The following DENND5B variants were observed in gnomAD, a reference collection of about 807,000 sequenced individuals.
DENND5B encodes the protein DENN domain containing 5B.
Under a neutral mutation model 140.6 loss-of-function variants are expected in DENND5B, and 34 were observed. That is an observed-to-expected ratio of 0.24 (90% CI 0.18 to 0.32). DENND5B has a LOEUF of 0.32. Ranked by LOEUF, DENND5B falls within the 10% of genes least tolerant of loss-of-function variation. The pLI is 1.00. For synonymous variants in DENND5B, 551 were observed against 562.1 expected, an observed-to-expected ratio of 0.98 and a Z score of 0.28; for missense variants, 1,142 against 1,560.2, an observed-to-expected ratio of 0.73 and a Z score of 4.52.
At chr12:31,462,025 T>C (rs1287933148) in intron 3 of DENND5B, among the ~76,000 whole-genome samples, 1 of 152,158 alleles carries the variant, frequency 6.6e-6, no homozygotes, top group Non-Finnish European at 1.5e-5. Context: ...ACAGCCCAAG[T>C]TTACTTAAAA....
chr12:31,415,550 A>AAT (rs1035891126), intron 11 of DENND5B, 102 bp from the exon 12 acceptor site: 1 of 910,828 alleles, frequency 1.1e-6, no homozygotes, highest in African/African-American at 1.7e-5. Context: ...AAATTTTAAC[A>AAT]ATATATATCA....
chr12:31,548,899 T>C (rs1948947035), intron 1 of DENND5B, among the ~76,000 whole-genome samples: 1 of 151,506 alleles, frequency 6.6e-6, no homozygotes, highest in Non-Finnish European at 1.5e-5. Flanking sequence ...AAGCCAAGGG[T>C]TTTTTTTCCT....
intron 7 of DENND5B, among the ~76,000 whole-genome samples, chr12:31,438,107 CT>C (rs1943859936): frequency 6.6e-6 from 1 of 152,148 alleles, no homozygotes; most frequent in Admixed American, 6.5e-5. Context: ...TCCCGAGTAT[CT>C]GGAATTACAG....
chr12:31,560,648 A>G (rs1592053319), intron 1 of DENND5B, among the ~76,000 whole-genome samples: 1 of 152,138 alleles, frequency 6.6e-6, no homozygotes. Flanking sequence ...GGCTCCCCCC[A>G]TTCTCTTAGA....
intron 1 of DENND5B, among the ~76,000 whole-genome samples, chr12:31,584,691 G>A (rs1950333993): frequency 6.6e-6 from 1 of 151,978 alleles, no homozygotes; most frequent in Non-Finnish European, 1.5e-5. Flanking sequence ...GCCAGGCATG[G>A]TGGCACATGC....
intron 14 of DENND5B, among the ~76,000 whole-genome samples, chr12:31,403,395 T>C (rs1049983483): frequency 6.6e-6 from 1 of 151,692 alleles, no homozygotes; most frequent in Non-Finnish European, 1.5e-5. Context: ...TTTTTCTTTT[T>C]TTTTTTTGCC....
Position 31,468,767 on chromosome 12 carries a change from G to A in DENND5B, c.905-8386C>T, listed in dbSNP as rs377355319. On this transcript the variant is annotated intron_variant, in intron 3 of 20. Coordinates refer to ENST00000389082, the MANE Select transcript of DENND5B (RefSeq NM_144973.4). ...GTCAAGACTGCAGTGAGCCTAGATCGTGCTACTGCACTCCAGGATGAGCGA... is the reference window on the plus strand; with the variant it reads ...GTCAAGACTGCAGTGAGCCTAGATCATGCTACTGCACTCCAGGATGAGCGA... Among the ~76,000 whole-genome samples the A allele has an allele frequency of 5.7e-4, 87 of 152,052 alleles. 1 individual carries two copies. Among genetic ancestry groups the A allele is most frequent in the African/African-American group, 1.9e-3 (80 of 41,390 alleles).
At chr12:31,550,024 G>A (rs1025930376) in intron 1 of DENND5B, among the ~76,000 whole-genome samples, 5 of 151,884 alleles carry the variant, frequency 3.3e-5, no homozygotes, top group Admixed American at 3.3e-4. Flanking sequence ...CTAGATCTCT[G>A]AGGAATCATA....
intron 7 of DENND5B, among the ~76,000 whole-genome samples, chr12:31,437,814 T>C (rs907199592): frequency 3.9e-5 from 6 of 152,110 alleles, no homozygotes; most frequent in Admixed American, 6.6e-5. Context: ...ATAAAAAAGG[T>C]ATAACATTCT....
chr12:31,537,066 A>G (rs1450136864), intron 1 of DENND5B, among the ~76,000 whole-genome samples: 1 of 152,236 alleles, frequency 6.6e-6, no homozygotes, highest in African/African-American at 2.4e-5. Context: ...CTAGCCTAGA[A>G]GAAATGCTAA....
At chr12:31,450,997 T>TA (rs1359261793) in intron 5 of DENND5B, among the ~76,000 whole-genome samples, 1 of 152,172 alleles carries the variant, frequency 6.6e-6, no homozygotes, top group African/African-American at 2.4e-5. Flanking sequence ...TGACTTCTCT[T>TA]TCCAAAATCT....
chr12:31,577,439 G>A (rs886875935), intron 1 of DENND5B, among the ~76,000 whole-genome samples: 3 of 152,044 alleles, frequency 2.0e-5, no homozygotes, highest in African/African-American at 4.8e-5. Context: ...GGCCGGGCAC[G>A]GTGGCTCACG....
chr12:31,467,259 A>T (rs969776577), intron 3 of DENND5B, among the ~76,000 whole-genome samples: 1 of 152,160 alleles, frequency 6.6e-6, no homozygotes, highest in African/African-American at 2.4e-5. Context: ...AACTTCTAAG[A>T]ACACATGTTA....
chr12:31,440,635 T>C (rs534552176), intron 7 of DENND5B, among the ~76,000 whole-genome samples: 17 of 152,210 alleles, frequency 1.1e-4, no homozygotes, highest in Non-Finnish European at 2.5e-4. Context: ...AGACAGCCTT[T>C]TAAATGAAAG....
At chr12:31,552,351 T>C (rs1470934604) in intron 1 of DENND5B, among the ~76,000 whole-genome samples, 1 of 152,230 alleles carries the variant, frequency 6.6e-6, no homozygotes, top group Non-Finnish European at 1.5e-5. Flanking sequence ...GTTCTGTTTA[T>C]GTTGGATTAC....
chr12:31,424,474 G>T, intron 10 of DENND5B, 61 bp downstream of exon 10: 2 of 1,488,422 alleles, frequency 1.3e-6, no homozygotes, highest in Non-Finnish European at 1.8e-6. Flanking sequence ...TTGTCTCCTT[G>T]TTACATTTCT....
At chr12:31,541,090 C>T (rs1199133665) in intron 1 of DENND5B, 1 of 435,516 alleles carries the variant, frequency 2.3e-6, no homozygotes, top group Non-Finnish European at 4.5e-6. Flanking sequence ...TTTAAGACCT[C>T]AAACTATGAA....
At chr12:31,497,701 G>T (rs1252002985) in intron 1 of DENND5B, among the ~76,000 whole-genome samples, 1 of 143,368 alleles carries the variant, frequency 7.0e-6, no homozygotes, top group African/African-American at 2.6e-5. Context: ...GGAGGCTGAG[G>T]TGGGCAGATC....
chr12:31,587,526 CTTTTTTTTTTTTTTTTTTTTT>C lies in DENND5B; in HGVS notation c.127+3159_127+3179del, dbSNP rs71460995. ...CAACAACTTCTCTCACCACAAATAC[CTTTTTTTTTTTTTTTTTTTTT>C]TTTTTTTTTTTTTTTTTTGAGACAG... is the stretch of plus-strand genomic sequence containing the variant. On this transcript the variant is annotated intron_variant, in intron 1 of 20. Coordinates refer to ENST00000389082, the MANE Select transcript of DENND5B (RefSeq NM_144973.4). 1.1e-3 allele frequency among the ~76,000 whole-genome samples: 79 copies of C among 75,034 alleles called. 2 individuals are homozygous for C. In the East Asian group the frequency reaches 0.023, roughly 22 times the overall value. The allele number at this position is 75,034 out of a possible 152,430, so 49.2% of individuals were successfully genotyped here.
Sources: gnomAD v4.1 joint callset for allele counts (sites outside exome capture counted in the v4.1 genomes callset) on GRCh38, gnomAD v4.1.1 for gene constraint, MANE v1.5 for transcripts, NCBI Gene and HGNC (gene_info 2026-07-23, HGNC 2026-07-21) for gene names.